The following TMEM132D variants were observed in gnomAD, a reference collection of about 807,000 sequenced individuals.
The protein encoded by TMEM132D is transmembrane protein 132D.
Under a neutral mutation model 62.3 loss-of-function variants are expected in TMEM132D, and 21 were observed. That is an observed-to-expected ratio of 0.34 (90% confidence interval 0.24 to 0.49). TMEM132D has a LOEUF of 0.49. Ranked by LOEUF, TMEM132D falls within the 20% of genes least tolerant of loss-of-function variation. The pLI is 0.99. For missense variants in TMEM132D, 1,346 were observed against 1,402.8 expected (o/e 0.96, Z 0.65); for synonymous variants, 621 against 575.6 (o/e 1.08, Z -1.13).
At chr12:129,564,635 C>T (rs1877319717) in intron 2 of TMEM132D, among the ~76,000 whole-genome samples, 1 of 152,236 alleles carries the variant, frequency 6.6e-6, no homozygotes. Flanking sequence ...AATGACCCTA[C>T]TCTTAATTAC....
chr12:129,332,280 A>G (rs1566036006), intron 4 of TMEM132D, among the ~76,000 whole-genome samples: 1 of 152,182 alleles, frequency 6.6e-6, no homozygotes. Context: ...ATAAAAACCT[A>G]CAACTGGATT....
intron 4 of TMEM132D, among the ~76,000 whole-genome samples, chr12:129,215,643 T>C (rs147008217): frequency 4.6e-5 from 7 of 152,280 alleles, no homozygotes; most frequent in Admixed American, 1.3e-4. Flanking sequence ...AGACACGTGG[T>C]TTCAGTGTAG....
chr12:129,151,283 C>T (rs1286234806), intron 5 of TMEM132D, among the ~76,000 whole-genome samples: 1 of 152,140 alleles, frequency 6.6e-6, no homozygotes, highest in Non-Finnish European at 1.5e-5. Context: ...GGGTTATTCG[C>T]CTAGGTTATT....
chr12:129,812,905 C>A (rs894609684), intron 1 of TMEM132D, among the ~76,000 whole-genome samples: 4 of 151,882 alleles, frequency 2.6e-5, no homozygotes, highest in African/African-American at 9.7e-5. Context: ...GACAATTCTG[C>A]TAAACCCCAG....
At chr12:129,079,023 G>A (rs553488742) in intron 7 of TMEM132D, among the ~76,000 whole-genome samples, 15 of 152,318 alleles carry the variant, frequency 9.8e-5, no homozygotes, top group African/African-American at 3.6e-4. Context: ...CTGGACAGGA[G>A]GAACTGACGT....
chr12:129,202,957 G>A (rs1878748489), intron 5 of TMEM132D, among the ~76,000 whole-genome samples: 1 of 152,188 alleles, frequency 6.6e-6, no homozygotes, highest in Admixed American at 6.5e-5. Context: ...AATGTTTGCT[G>A]ACAGCAAACA....
chr12:129,444,226 A>G (rs1873026922), intron 3 of TMEM132D, among the ~76,000 whole-genome samples: 1 of 152,244 alleles, frequency 6.6e-6, no homozygotes, highest in Non-Finnish European at 1.5e-5. Flanking sequence ...GAAGACATCA[A>G]AAGCAATTGT....
At chr12:129,828,477 A>G (rs979188789) in intron 1 of TMEM132D, among the ~76,000 whole-genome samples, 3 of 151,714 alleles carry the variant, frequency 2.0e-5, no homozygotes, top group African/African-American at 4.8e-5. Context: ...TAGCATTCAC[A>G]GCAGTCTTCC....
intron 3 of TMEM132D, among the ~76,000 whole-genome samples, chr12:129,465,234 T>C (rs1292721340): frequency 2.0e-5 from 3 of 152,174 alleles, no homozygotes; most frequent in African/African-American, 7.2e-5. Flanking sequence ...TTTGAAGCAA[T>C]AAAATTCAAC....
intron 5 of TMEM132D, among the ~76,000 whole-genome samples, chr12:129,168,555 AAT>A (rs1877629237): frequency 6.6e-6 from 1 of 152,094 alleles, no homozygotes; most frequent in Non-Finnish European, 1.5e-5. Context: ...TCCTTCACCT[AAT>A]ATGACGTCCT....
At chr12:129,575,140 C>A (rs1877624827) in intron 2 of TMEM132D, among the ~76,000 whole-genome samples, 3 of 151,774 alleles carry the variant, frequency 2.0e-5, no homozygotes, top group Admixed American at 6.6e-5. Context: ...TCCCCTAGAC[C>A]CTTTCTTATG....
At chr12:129,816,066 C>T (rs1347091565) in intron 1 of TMEM132D, among the ~76,000 whole-genome samples, 3 of 152,170 alleles carry the variant, frequency 2.0e-5, no homozygotes, top group South Asian at 2.1e-4. Flanking sequence ...ACAGCTGTTC[C>T]GCTCATGGTG....
At chr12:129,112,833 G>A (rs1007896815) in intron 5 of TMEM132D, among the ~76,000 whole-genome samples, 1 of 152,118 alleles carries the variant, frequency 6.6e-6, no homozygotes, top group South Asian at 2.1e-4. Context: ...TGCTAGCTTA[G>A]AGAATAAAAG....
intron 3 of TMEM132D, among the ~76,000 whole-genome samples, chr12:129,478,126 C>T (rs1248169810): frequency 6.6e-6 from 1 of 152,080 alleles, no homozygotes; most frequent in East Asian, 1.9e-4. Context: ...AGAAAAGTTA[C>T]AGTAAAAATA....
chr12:129,663,333 T>TTGC (rs1481250030), intron 2 of TMEM132D, among the ~76,000 whole-genome samples: 1 of 152,222 alleles, frequency 6.6e-6, no homozygotes, highest in Non-Finnish European at 1.5e-5. Flanking sequence ...AGATGGGGTT[T>TTGC]CACCATGTTG....
chr12:129,121,544 G>A (rs1876063184), intron 5 of TMEM132D, among the ~76,000 whole-genome samples: 3 of 152,130 alleles, frequency 2.0e-5, no homozygotes, highest in Admixed American at 6.5e-5. Context: ...ATTTTGAGAA[G>A]GACTCAACCC....
At chr12:129,556,354 G>A (rs565964081) in intron 2 of TMEM132D, among the ~76,000 whole-genome samples, 3 of 152,278 alleles carry the variant, frequency 2.0e-5, no homozygotes, top group East Asian at 3.9e-4. Flanking sequence ...GCACCGAGCA[G>A]AGGCAGGTCC....
chr12:129,896,463 G>C (rs1187504827), intron 1 of TMEM132D, among the ~76,000 whole-genome samples: 1 of 152,158 alleles, frequency 6.6e-6, no homozygotes, highest in Non-Finnish European at 1.5e-5. Flanking sequence ...AACACTCTTT[G>C]AGTCTCGGCA....
At chr12:129,439,696 G>T (rs1183514688) in intron 3 of TMEM132D, among the ~76,000 whole-genome samples, 1 of 152,154 alleles carries the variant, frequency 6.6e-6, no homozygotes, top group Non-Finnish European at 1.5e-5. Flanking sequence ...TGATCCACCT[G>T]CCTCGGCCTC....
Sources: gnomAD v4.1 joint callset for allele counts (sites outside exome capture counted in the v4.1 genomes callset) on GRCh38, gnomAD v4.1.1 for gene constraint, MANE v1.5 for transcripts, NCBI Gene and HGNC (gene_info 2026-07-23, HGNC 2026-07-21) for gene names.